The following DGKI variants were observed in gnomAD, a reference collection of about 807,000 sequenced individuals.
DGKI encodes the protein diacylglycerol kinase iota, also known as DAG kinase iota.
DGKI carries 55 observed loss-of-function variants against 147.5 expected under a neutral mutation model. The observed-to-expected ratio is 0.37, with a 90% CI of 0.30 to 0.47. DGKI has a LOEUF of 0.47. Among genes scored for constraint, DGKI ranks in the 20% least tolerant of loss-of-function variants. DGKI has a pLI of 1.00. For missense variants in DGKI, 1,007 were observed against 1,323.8 expected, an observed-to-expected ratio of 0.76 and a Z score of 3.71; for synonymous variants, 469 against 477.1, an observed-to-expected ratio of 0.98 and a Z score of 0.22.
chr7:137,815,734 T>C (rs1484517430), intron 1 of DGKI, among the ~76,000 whole-genome samples: 4 of 152,168 alleles, frequency 2.6e-5, no homozygotes, highest in East Asian at 1.9e-4. Context: ...ACTTAATACA[T>C]TGAAAATATA....
At chr7:137,580,986 T>C (rs547983712) in intron 15 of DGKI, among the ~76,000 whole-genome samples, 1 of 152,130 alleles carries the variant, frequency 6.6e-6, no homozygotes, top group African/African-American at 2.4e-5. Flanking sequence ...CAGATATAGA[T>C]ACAGGCATAG....
chr7:137,648,593 G>A (rs1390528909), intron 5 of DGKI, among the ~76,000 whole-genome samples: 1 of 152,190 alleles, frequency 6.6e-6, no homozygotes, highest in Non-Finnish European at 1.5e-5. Context: ...TGGATATGCT[G>A]GACAGAGGGG....
intron 1 of DGKI, among the ~76,000 whole-genome samples, chr7:137,809,001 C>T (rs1482056166): frequency 1.3e-5 from 2 of 152,166 alleles, no homozygotes; most frequent in Admixed American, 1.3e-4. Context: ...TTCCCTATCA[C>T]CCAAAAGCTT....
chr7:137,559,678 T>C (rs1818351367), intron 19 of DGKI, among the ~76,000 whole-genome samples: 1 of 152,094 alleles, frequency 6.6e-6, no homozygotes, highest in African/African-American at 2.4e-5. Flanking sequence ...GAAAGTAGAT[T>C]CTAGTCACTA....
chr7:137,655,664 A>T (rs1822192867), intron 4 of DGKI, among the ~76,000 whole-genome samples: 2 of 152,234 alleles, frequency 1.3e-5, no homozygotes, highest in African/African-American at 4.8e-5. Context: ...AAATATTAAG[A>T]TAACATGTTG....
chr7:137,533,648 G>C (rs1459960155), intron 20 of DGKI, among the ~76,000 whole-genome samples: 1 of 152,040 alleles, frequency 6.6e-6, no homozygotes. Flanking sequence ...CCAATTAGAG[G>C]ACATAGCCAC....
intron 2 of DGKI, among the ~76,000 whole-genome samples, chr7:137,681,766 A>G (rs935398484): frequency 1.3e-5 from 2 of 152,260 alleles, no homozygotes; most frequent in African/African-American, 4.8e-5. Flanking sequence ...TGATAAAGCA[A>G]TGAGCTTTCA....
intron 15 of DGKI, among the ~76,000 whole-genome samples, chr7:137,581,223 C>A (rs1035798020): frequency 6.6e-6 from 1 of 152,074 alleles, no homozygotes; most frequent in African/African-American, 2.4e-5. Context: ...GACTCCATCT[C>A]TTTTAGTACC....
Position 137,387,018 on chromosome 7 carries a change from C to G in DGKI, c.*4202G>C, listed in dbSNP as rs546154238. 1 of 152,000 alleles carries G rather than the reference C, an allele frequency of 6.6e-6. No homozygotes were observed. Among genetic ancestry groups the G allele is most frequent in the Non-Finnish European group, 1.5e-5 (1 of 67,990 alleles). 9.4% of individuals were successfully genotyped at this position (152,000 alleles called of 1,614,324 possible). On this transcript the variant is annotated 3_prime_UTR_variant, in exon 33 of 33. Coordinates refer to ENST00000614521, the MANE Select transcript of DGKI (RefSeq NM_001321708.2). The stretch of plus-strand genomic sequence containing the variant: ...AAATAGCATAATTGAATAAAATATG[C>G]TGTTCTCAGTGATTTCATTAGCTAC...
chr7:137,548,089 C>T (rs1038743416), intron 20 of DGKI, among the ~76,000 whole-genome samples: 12 of 152,168 alleles, frequency 7.9e-5, no homozygotes, highest in East Asian at 3.9e-4. Context: ...ATCAATCTAA[C>T]GGGTATATCA....
intron 1 of DGKI, among the ~76,000 whole-genome samples, chr7:137,770,119 T>A (rs1796138907): frequency 6.6e-6 from 1 of 152,198 alleles, no homozygotes; most frequent in African/African-American, 2.4e-5. Context: ...GTGGCACATA[T>A]ACACCATGGA....
chr7:137,709,185 A>G (rs901723755), intron 1 of DGKI, among the ~76,000 whole-genome samples: 18 of 152,210 alleles, frequency 1.2e-4, no homozygotes, highest in African/African-American at 4.3e-4. Flanking sequence ...ACTTGATATG[A>G]TAAAATAATG....
At chr7:137,453,558 G>A (rs1814061357) in intron 27 of DGKI, among the ~76,000 whole-genome samples, 1 of 152,178 alleles carries the variant, frequency 6.6e-6, no homozygotes, top group African/African-American at 2.4e-5. Flanking sequence ...ATGAGAGTGA[G>A]AGATGAAAGT....
At chr7:137,776,836 G>T (rs905136807) in intron 1 of DGKI, among the ~76,000 whole-genome samples, 1 of 151,828 alleles carries the variant, frequency 6.6e-6, no homozygotes, top group South Asian at 2.1e-4. Flanking sequence ...GAGAAGAGAC[G>T]AAAAATACAT....
At chr7:137,472,120 A>AAT (rs201623954) in intron 23 of DGKI, among the ~76,000 whole-genome samples, 19,797 of 123,124 alleles carry the variant, frequency 0.16, 2,219 homozygotes, top group African/African-American at 0.32. Context: ...TATACATATA[A>AAT]ATATATATAC....
chr7:137,597,326 A>G (rs996460462), intron 12 of DGKI, among the ~76,000 whole-genome samples: 3 of 152,180 alleles, frequency 2.0e-5, no homozygotes, highest in East Asian at 1.9e-4. Context: ...TTCTATGCAT[A>G]TAACAAAATA....
intron 6 of DGKI, among the ~76,000 whole-genome samples, chr7:137,638,306 G>A (rs1333629665): frequency 6.7e-6 from 1 of 149,290 alleles, no homozygotes; most frequent in Non-Finnish European, 1.5e-5. Context: ...TATACATTTT[G>A]TTCATGTTCC....
intron 27 of DGKI, among the ~76,000 whole-genome samples, chr7:137,449,279 T>C (rs971434631): frequency 7.9e-5 from 12 of 152,042 alleles, no homozygotes; most frequent in Non-Finnish European, 1.8e-4. Flanking sequence ...GACACTGGCA[T>C]AAAAACAGAC....
intron 3 of DGKI, among the ~76,000 whole-genome samples, chr7:137,667,137 G>A (rs191976666): frequency 6.6e-6 from 1 of 151,988 alleles, no homozygotes; most frequent in Non-Finnish European, 1.5e-5. Flanking sequence ...GTTATTATTT[G>A]TGCCAGCAGG....
Sources: gnomAD v4.1 joint callset for allele counts (sites outside exome capture counted in the v4.1 genomes callset) on GRCh38, gnomAD v4.1.1 for gene constraint, MANE v1.5 for transcripts, NCBI Gene and HGNC (gene_info 2026-07-23, HGNC 2026-07-21) for gene names.